BANK1: variants seen among roughly 807,000 people sequenced by gnomAD.
The protein encoded by BANK1 is B-cell scaffold protein with ankyrin repeats.
A neutral mutation model predicts 94.5 loss-of-function variants in BANK1; 95 were observed. The observed-to-expected ratio is 1.00, with a 90% confidence interval of 0.85 to 1.19. The LOEUF (loss-of-function observed/expected upper bound fraction) is 1.19. Among genes scored for constraint, BANK1 ranks in the 50% most tolerant of loss-of-function variants. The pLI is 0.00. For synonymous variants in BANK1, 334 were observed against 308.4 expected (o/e 1.08, Z -0.87); for missense variants, 987 against 932.2 (o/e 1.06, Z -0.77).
intron 7 of BANK1, among the ~76,000 whole-genome samples, chr4:102,001,655 A>T (rs543391414): frequency 2.6e-5 from 4 of 152,290 alleles, no homozygotes; most frequent in African/African-American, 9.6e-5. Context: ...AATCAGAGTG[A>T]AGGGCGCAGT....
At chr4:101,916,819 C>T (rs1232984247) in intron 6 of BANK1, among the ~76,000 whole-genome samples, 1 of 151,956 alleles carries the variant, frequency 6.6e-6, no homozygotes, top group Non-Finnish European at 1.5e-5. Context: ...AAATTTGCCA[C>T]ACCTTGGTTT....
intron 4 of BANK1, among the ~76,000 whole-genome samples, chr4:101,868,518 G>A (rs1052626764): frequency 3.3e-5 from 5 of 151,954 alleles, no homozygotes; most frequent in Non-Finnish European, 5.9e-5. Flanking sequence ...GTCCACTATT[G>A]TATAAGATTT....
chr4:102,007,117 ATATT>A (rs1726310408), intron 7 of BANK1, among the ~76,000 whole-genome samples: 5 of 42,492 alleles, frequency 1.2e-4, no homozygotes, highest in African/African-American at 3.3e-4. Flanking sequence ...ATATAAATAT[ATATT>A]TTATATATAT....
At chr4:101,910,512 T>G (rs1450874871) in intron 6 of BANK1, among the ~76,000 whole-genome samples, 1 of 151,750 alleles carries the variant, frequency 6.6e-6, no homozygotes, top group Admixed American at 6.6e-5. Context: ...AGAAACCCCA[T>G]CTCTACTAAA....
At chr4:101,855,281 G>A in intron 3 of BANK1, 92 bp downstream of exon 3, 1 of 1,319,792 alleles carries the variant, frequency 7.6e-7, no homozygotes, top group Non-Finnish European at 1.0e-6. Context: ...GTCTCATTAG[G>A]TTGCCCAGGC....
chr4:101,825,990 A>T (rs1726350573), intron 1 of BANK1, among the ~76,000 whole-genome samples: 2 of 152,060 alleles, frequency 1.3e-5, no homozygotes, highest in African/African-American at 4.8e-5. Flanking sequence ...AAGCCAAATA[A>T]CGTGGGAGTA....
intron 7 of BANK1, among the ~76,000 whole-genome samples, chr4:101,927,239 A>T (rs916709158): frequency 6.6e-6 from 1 of 151,646 alleles, no homozygotes; most frequent in Non-Finnish European, 1.5e-5. Flanking sequence ...GAATTGTCAA[A>T]CACTTACAAG....
intron 7 of BANK1, among the ~76,000 whole-genome samples, chr4:101,975,856 G>C (rs1375940511): frequency 6.6e-6 from 1 of 152,064 alleles, no homozygotes; most frequent in Non-Finnish European, 1.5e-5. Flanking sequence ...GTTATAATGA[G>C]AATGGAACCA....
intron 3 of BANK1, among the ~76,000 whole-genome samples, chr4:101,860,742 AT>A (rs1727842532): frequency 6.6e-6 from 1 of 152,218 alleles, no homozygotes; most frequent in East Asian, 1.9e-4. Context: ...TGAGTGAGGA[AT>A]CTCCTGTGTC....
At chr4:101,889,174 C>T (rs1238865859) in intron 5 of BANK1, among the ~76,000 whole-genome samples, 2 of 150,618 alleles carry the variant, frequency 1.3e-5, no homozygotes, top group Admixed American at 6.6e-5. Context: ...TTCATTTCAT[C>T]TAAATCATCA....
chr4:102,049,536 A>C (rs1727981074), intron 11 of BANK1, among the ~76,000 whole-genome samples: 1 of 152,162 alleles, frequency 6.6e-6, no homozygotes, highest in South Asian at 2.1e-4. Flanking sequence ...ATATAGTCAA[A>C]TGAACCTTAT....
chr4:101,890,376 T>C (rs948452210), intron 5 of BANK1, among the ~76,000 whole-genome samples: 11 of 152,020 alleles, frequency 7.2e-5, no homozygotes, highest in Non-Finnish European at 2.9e-5. Flanking sequence ...AGGATTACTA[T>C]GTCCTCTTGA....
At chr4:102,025,817 A>G (rs1412891197) in intron 9 of BANK1, among the ~76,000 whole-genome samples, 1 of 151,522 alleles carries the variant, frequency 6.6e-6, no homozygotes, top group African/African-American at 2.4e-5. Context: ...TTGTCTTATT[A>G]CAAAGCTTTA....
In BANK1 at chr4:101,830,060, CA is replaced by C; in HGVS notation, c.328del (p.Ser110ValfsTer2). 6.2e-7 allele frequency: 1 copy of C among 1,613,498 alleles called. No homozygotes were observed. Among genetic ancestry groups the C allele is most frequent in the Non-Finnish European group, 8.5e-7 (1 of 1,179,810 alleles). On this transcript the variant is annotated frameshift_variant, in exon 2 of 17. Coordinates refer to ENST00000322953, the MANE Select transcript of BANK1 (RefSeq NM_017935.5). LOFTEE classifies it high-confidence loss of function. ...TTTCTGGAAAAGATACTTCATTCAC[CA>C]AAAAGTGTAGTTACTTTGCTTTGTG... is the stretch of plus-strand genomic sequence containing the variant. The part of the protein sequence containing the change: ...CQFLEKILHS[P>X]KSVVTLLCGV...
At chr4:101,916,708 CCAGA>C (rs1394686829) in intron 6 of BANK1, among the ~76,000 whole-genome samples, 1 of 151,892 alleles carries the variant, frequency 6.6e-6, no homozygotes, top group Non-Finnish European at 1.5e-5. Flanking sequence ...AAAATTTCCC[CCAGA>C]CATTTTATTC....
intron 11 of BANK1, among the ~76,000 whole-genome samples, chr4:102,058,335 A>G (rs1728298160): frequency 6.6e-6 from 1 of 152,108 alleles, no homozygotes; most frequent in African/African-American, 2.4e-5. Context: ...AATTTTAAAA[A>G]CTGTAGTTTA....
chr4:101,914,203 C>T (rs1385682732), intron 6 of BANK1, among the ~76,000 whole-genome samples: 1 of 152,082 alleles, frequency 6.6e-6, no homozygotes. Flanking sequence ...GAAGTGGATT[C>T]TAACCATTCC....
chr4:101,830,164 C>A lies in BANK1; in HGVS notation c.427C>A (p.Pro143Thr). The change falls in exon 2 of 17, where the codon CCT (proline) becomes ACT (threonine). Residue 143 changes from proline to threonine, a missense_variant. Coordinates refer to ENST00000322953, the MANE Select transcript of BANK1 (RefSeq NM_017935.5). ...SRWEISTEQE[P>T]EDYISVIQSI... ...ATGGGAGATCTCAACTGAACAGGAACCTGAAGACTACATCTCTGTAATCCA... is the reference window on the plus strand; with the variant it reads ...ATGGGAGATCTCAACTGAACAGGAAACTGAAGACTACATCTCTGTAATCCA... 1.9e-6 allele frequency: 3 copies of A among 1,593,210 alleles called. No homozygotes were observed. The highest frequency in any genetic ancestry group is 2.6e-6 in the Non-Finnish European group (3 of 1,172,830).
At chr4:102,025,566 T>G (rs1370318083) in intron 9 of BANK1, 57 bp downstream of exon 9, 1 of 1,524,480 alleles carries the variant, frequency 6.6e-7, no homozygotes, top group Admixed American at 1.8e-5. Context: ...TTGACAGGCT[T>G]ACATAGCAAA....
Sources: gnomAD v4.1 joint callset for allele counts (sites outside exome capture counted in the v4.1 genomes callset) on GRCh38, gnomAD v4.1.1 for gene constraint, MANE v1.5 for transcripts, NCBI Gene and HGNC (gene_info 2026-07-23, HGNC 2026-07-21) for gene names.